Variants in PLA2R1 observed in about 807,000 individuals in gnomAD.
PLA2R1 encodes the protein secretory phospholipase A2 receptor.
PLA2R1 carries 158 observed loss-of-function variants against 195.9 expected under a neutral mutation model. That is an observed-to-expected ratio of 0.81 (90% CI 0.71 to 0.92). PLA2R1 has a LOEUF of 0.92. PLA2R1 is among the 40% of genes least tolerant of loss of function. PLA2R1 has a pLI of 0.00. For missense variants in PLA2R1, 1,626 were observed against 1,764.6 expected (o/e 0.92, Z 1.41); for synonymous variants, 586 against 598.2 (o/e 0.98, Z 0.30).
chr2:160,002,153 C>G (rs924422860), intron 11 of PLA2R1, among the ~76,000 whole-genome samples: 1 of 151,576 alleles, frequency 6.6e-6, no homozygotes. Flanking sequence ...ACAAAAGGAA[C>G]TAGAAACACC....
chr2:159,941,901 A>G lies in PLA2R1; in HGVS notation c.4269T>C (p.His1423=). 6.2e-7 allele frequency: 1 copy of G among 1,613,800 alleles called. No individual in the cohort carries two copies. Among genetic ancestry groups the G allele is most frequent in the Middle Eastern group, 1.6e-4 (1 of 6,062 alleles). Residue 1423 remains histidine, a synonymous_variant, in exon 30 of 30, where the codon CAT becomes CAC. Coordinates refer to ENST00000283243, the MANE Select transcript of PLA2R1 (RefSeq NM_007366.5). ...ICTLSFCIYK[H]NGGFFRRLAG... is the part of the protein sequence containing the mutation. ...CAAGTCTCCTGAAGAAGCCACCGTTATGCTTGTATATGCAGAAGGAAAGTG... is the reference window on the plus strand; with the variant it reads ...CAAGTCTCCTGAAGAAGCCACCGTTGTGCTTGTATATGCAGAAGGAAAGTG...
At chr2:159,999,223 T>C (rs1231137835) in intron 11 of PLA2R1, among the ~76,000 whole-genome samples, 2 of 152,178 alleles carry the variant, frequency 1.3e-5, no homozygotes, top group Non-Finnish European at 2.9e-5. Flanking sequence ...TATTTATAAA[T>C]TACCCAATAT....
intron 1 of PLA2R1, among the ~76,000 whole-genome samples, chr2:160,046,922 A>G (rs1488096460): frequency 6.6e-6 from 1 of 152,196 alleles, no homozygotes; most frequent in Non-Finnish European, 1.5e-5. Context: ...ATGCCTGGGT[A>G]GAATGTTTAC....
At chr2:159,969,471 T>TA (rs986118189) in intron 18 of PLA2R1, 112 bp from the exon 19 acceptor site, 5 of 581,186 alleles carry the variant, frequency 8.6e-6, no homozygotes, top group Admixed American at 6.2e-5. Context: ...CTATTAAATT[T>TA]AAAAAATATA....
intron 1 of PLA2R1, among the ~76,000 whole-genome samples, chr2:160,060,624 C>T (rs1033045206): frequency 2.0e-5 from 3 of 152,198 alleles, no homozygotes; most frequent in African/African-American, 7.2e-5. Context: ...GGTACAAGGG[C>T]TAGCAGATGG....
In PLA2R1 at chr2:160,019,985, A is replaced by G. The variant is rs147832827; in HGVS notation, c.1452+121T>C. The stretch of plus-strand genomic sequence containing the variant: ...TGTACTTGTTTGCTCTCTAACATGG[A>G]AGGCCCATGAGGAACAGGGACTGCA... On this transcript the variant is annotated intron_variant, in intron 8 of 29. Transcript: ENST00000283243. 1.2e-3 allele frequency: 715 copies of G among 612,250 alleles called. 3 individuals are homozygous for G. In the Middle Eastern group the frequency reaches 0.026, roughly 22 times the overall value. The allele number at this position is 612,250 out of a possible 1,614,324, so 37.9% of individuals were successfully genotyped here.
Position 159,947,557 on chromosome 2 carries a change from T to C in PLA2R1, c.3712A>G (p.Thr1238Ala), listed in dbSNP as rs144129465. The C allele has an allele frequency of 1.0e-4, 169 of 1,612,972 alleles. No homozygotes were observed. In the African/African-American group the frequency reaches 2.1e-3, roughly 20 times the overall value. Residue 1238 changes from threonine to alanine, a missense_variant and splice_region_variant, in exon 26 of 30, where the codon ACA (threonine) becomes GCA (alanine). By Grantham distance (58) the Thr-to-Ala change is moderately conservative. Coordinates refer to ENST00000283243, the MANE Select transcript of PLA2R1 (RefSeq NM_007366.5). Reference protein sequence around the residue: ...QGAICHVPPETRQSEHPELCS... With the variant: ...QGAICHVPPEARQSEHPELCS... ...AACTCTGGGTGTTCAGATTGTCTTG[T>C]TTCTGTGAAGAAAAGCCAGTTATGA...
chr2:159,979,841 C>A lies in PLA2R1; in HGVS notation c.2257G>T (p.Asp753Tyr), dbSNP rs999286367. ...TTGAAAAGACTTACAGGAGTTCTATCAGACCACTCCCATGAGCCGGCATTC... is the reference window on the plus strand; with the variant it reads ...TTGAAAAGACTTACAGGAGTTCTATAAGACCACTCCCATGAGCCGGCATTC... ...PLNAGSWEWS[D>Y]RTPVVSSFLD... is the part of the protein sequence containing the mutation. The change falls in exon 14 of 30, where the codon GAT (aspartate) becomes TAT (tyrosine). Residue 753 changes from aspartate to tyrosine, a missense_variant. Physicochemically the swap from Asp to Tyr is radical, Grantham distance 160. Coordinates refer to ENST00000283243, the MANE Select transcript of PLA2R1 (RefSeq NM_007366.5). The A allele has an allele frequency of 3.1e-6, 5 of 1,588,750 alleles. No homozygotes were observed. The highest frequency in any genetic ancestry group is 4.3e-6 in the Non-Finnish European group (5 of 1,157,718).
chr2:159,982,453 C>G (rs1471723817), intron 13 of PLA2R1, among the ~76,000 whole-genome samples: 1 of 152,200 alleles, frequency 6.6e-6, no homozygotes, highest in South Asian at 2.1e-4. Context: ...TGTGGGATGT[C>G]AATAAGTGTT....
intron 14 of PLA2R1, among the ~76,000 whole-genome samples, chr2:159,979,117 G>A (rs906823077): frequency 1.3e-5 from 2 of 152,166 alleles, no homozygotes; most frequent in Non-Finnish European, 2.9e-5. Flanking sequence ...AGGCTCTTAG[G>A]AGTCTCCCCA....
In PLA2R1 at chr2:159,960,165, T is replaced by C. The variant is rs180769397; in HGVS notation, c.2905-3538A>G. 3.3e-5 allele frequency among the ~76,000 whole-genome samples: 5 copies of C among 152,314 alleles called. No homozygotes were observed. In the East Asian group the frequency reaches 9.6e-4, roughly 29 times the overall value. ...GTTTCCTTTAGTTTCTTAAATGTCA[T>C]ACTCCCACCTTGCTGCAGGACCTTA... On this transcript the variant is annotated intron_variant, in intron 20 of 29. Transcript: ENST00000283243.
chr2:159,974,827 G>A (rs926847409), intron 17 of PLA2R1, among the ~76,000 whole-genome samples: 1 of 152,116 alleles, frequency 6.6e-6, no homozygotes, highest in Non-Finnish European at 1.5e-5. Flanking sequence ...GTCCTGACCT[G>A]CTTGTACCTC....
chr2:160,036,349 C>T (rs1203277569), intron 3 of PLA2R1, among the ~76,000 whole-genome samples: 10 of 152,154 alleles, frequency 6.6e-5, no homozygotes, highest in Non-Finnish European at 5.9e-5. Flanking sequence ...TTTCTCCTAG[C>T]CTCCAAGTTC....
chr2:160,026,873 G>T (rs991426965), intron 6 of PLA2R1, among the ~76,000 whole-genome samples: 7 of 152,138 alleles, frequency 4.6e-5, no homozygotes, highest in Admixed American at 3.9e-4. Context: ...GGTGGCTCAC[G>T]CCGTAATCCC....
intron 3 of PLA2R1, among the ~76,000 whole-genome samples, chr2:160,039,235 A>G (rs1694370538): frequency 1.3e-5 from 2 of 152,182 alleles, no homozygotes; most frequent in African/African-American, 4.8e-5. Context: ...AAGGGCAATC[A>G]TATCATTTCA....
chr2:159,956,157 T>C (rs1453454288), intron 21 of PLA2R1, among the ~76,000 whole-genome samples: 2 of 152,218 alleles, frequency 1.3e-5, no homozygotes, highest in Non-Finnish European at 1.5e-5. Context: ...AAATATCAAA[T>C]AAAAGCATGT....
At chr2:159,988,518 G>A (rs1050572721) in intron 11 of PLA2R1, among the ~76,000 whole-genome samples, 3 of 152,190 alleles carry the variant, frequency 2.0e-5, no homozygotes, top group Non-Finnish European at 4.4e-5. Context: ...AGGGGTGATG[G>A]AGCCTGTCCA....
chr2:159,997,814 A>C (rs1691320471), intron 11 of PLA2R1, among the ~76,000 whole-genome samples: 1 of 152,058 alleles, frequency 6.6e-6, no homozygotes. Flanking sequence ...TGGATCTAAG[A>C]AGAGTTGTTG....
At chr2:159,963,429 C>T (rs981037150) in intron 20 of PLA2R1, among the ~76,000 whole-genome samples, 10 of 152,018 alleles carry the variant, frequency 6.6e-5, no homozygotes, top group Admixed American at 5.9e-4. Context: ...CATCAAAGGA[C>T]ATTATCAAGA....
Sources: gnomAD v4.1 joint callset for allele counts (sites outside exome capture counted in the v4.1 genomes callset) on GRCh38, gnomAD v4.1.1 for gene constraint, MANE v1.5 for transcripts, NCBI Gene and HGNC (gene_info 2026-07-23, HGNC 2026-07-21) for gene names.